Variants in GHR observed in about 807,000 individuals in gnomAD.
GHR encodes growth hormone receptor.
Under a neutral mutation model 67.1 loss-of-function variants are expected in GHR, and 35 were observed. The ratio of observed to expected loss-of-function variants is 0.52; its 90% CI spans 0.40 to 0.69. GHR has a LOEUF of 0.69. Ranked by LOEUF, GHR falls within the 30% of genes least tolerant of loss-of-function variation. GHR has a pLI of 0.00. For missense variants in GHR, 792 were observed against 764.6 expected, an observed-to-expected ratio of 1.04 and a Z score of -0.42; for synonymous variants, 272 against 269.1, an observed-to-expected ratio of 1.01 and a Z score of -0.10.
chr5:42,490,460 G>C (rs1270158290), intron 1 of GHR, among the ~76,000 whole-genome samples: 1 of 152,150 alleles, frequency 6.6e-6, no homozygotes, highest in African/African-American at 2.4e-5. Context: ...CCTCTTTGCT[G>C]TGCCCAGGGC....
At chr5:42,660,353 A>T (rs6451631) in intron 3 of GHR, among the ~76,000 whole-genome samples, 15 of 151,972 alleles carry the variant, frequency 9.9e-5, no homozygotes, top group Non-Finnish European at 2.2e-4. Context: ...TAACTGGGAG[A>T]CACCCCTCAG....
chr5:42,534,112 A>G (rs1748105482), intron 1 of GHR, among the ~76,000 whole-genome samples: 3 of 148,628 alleles, frequency 2.0e-5, no homozygotes, highest in Non-Finnish European at 4.5e-5. Context: ...GTACGTATGT[A>G]TATATGTATG....
intron 1 of GHR, among the ~76,000 whole-genome samples, chr5:42,452,284 G>A (rs1372649064): frequency 6.6e-6 from 1 of 152,092 alleles, no homozygotes; most frequent in Non-Finnish European, 1.5e-5. Context: ...TAATCTGATA[G>A]GTTTTTCTTT....
intron 1 of GHR, among the ~76,000 whole-genome samples, chr5:42,464,638 C>T (rs1579747321): frequency 6.6e-6 from 1 of 152,198 alleles, no homozygotes; most frequent in African/African-American, 2.4e-5. Flanking sequence ...CCAAGGAAGT[C>T]TCTGCCATGT....
At chr5:42,525,710 G>T (rs564317740) in intron 1 of GHR, among the ~76,000 whole-genome samples, 86 of 152,176 alleles carry the variant, frequency 5.7e-4, no homozygotes, top group Non-Finnish European at 1.0e-3. Context: ...CCCACAGGTT[G>T]TGGGAGGGAC....
intron 1 of GHR, among the ~76,000 whole-genome samples, chr5:42,512,687 A>G (rs1292539077): frequency 4.6e-5 from 7 of 151,990 alleles, no homozygotes; most frequent in Admixed American, 4.6e-4. Context: ...CAATGCTTAC[A>G]CTGTCTTCAA....
intron 1 of GHR, among the ~76,000 whole-genome samples, chr5:42,441,493 G>C (rs532018299): frequency 6.6e-6 from 1 of 151,132 alleles, no homozygotes; most frequent in East Asian, 1.9e-4. Context: ...AACTAGAGGA[G>C]GAAATGGAGT....
At chr5:42,534,101 T>C (rs1441819341) in intron 1 of GHR, among the ~76,000 whole-genome samples, 1 of 149,392 alleles carries the variant, frequency 6.7e-6, no homozygotes, top group Non-Finnish European at 1.5e-5. Context: ...TAAGTATATA[T>C]GTACGTATGT....
At chr5:42,465,716 T>A (rs1398823432) in intron 1 of GHR, 1 of 914,508 alleles carries the variant, frequency 1.1e-6, no homozygotes, top group East Asian at 2.4e-5. Flanking sequence ...AAAAGATCTA[T>A]CACTTCCACT....
chr5:42,425,868 C>A (rs544651182), intron 1 of GHR, among the ~76,000 whole-genome samples: 1 of 152,214 alleles, frequency 6.6e-6, no homozygotes, highest in Middle Eastern at 3.4e-3. Flanking sequence ...TTATGGTCTC[C>A]TGAAGCCCAT....
intron 1 of GHR, among the ~76,000 whole-genome samples, chr5:42,480,850 G>A (rs1745596495): frequency 6.6e-6 from 1 of 152,156 alleles, no homozygotes; most frequent in African/African-American, 2.4e-5. Context: ...CAATTTGCCA[G>A]CCTGTGTCTT....
chr5:42,509,753 C>T (rs1262005322), intron 1 of GHR, among the ~76,000 whole-genome samples: 7 of 147,534 alleles, frequency 4.7e-5, no homozygotes, highest in Admixed American at 4.0e-4. Flanking sequence ...TACACGTCTA[C>T]CTCTATTAGC....
chr5:42,430,178 C>T (rs960468325), intron 1 of GHR, among the ~76,000 whole-genome samples: 4 of 152,176 alleles, frequency 2.6e-5, no homozygotes, highest in African/African-American at 7.2e-5. Context: ...TCTTAGCTGC[C>T]TTGGAAGAAG....
intron 6 of GHR, among the ~76,000 whole-genome samples, chr5:42,708,561 C>T (rs187423789): frequency 3.7e-4 from 56 of 152,192 alleles, no homozygotes; most frequent in African/African-American, 1.3e-3. Context: ...TATAACCCAA[C>T]TAAACCAAAC....
At chr5:42,650,887 T>C (rs925832353) in intron 3 of GHR, among the ~76,000 whole-genome samples, 4 of 152,162 alleles carry the variant, frequency 2.6e-5, no homozygotes, top group African/African-American at 9.6e-5. Flanking sequence ...TTTATCAGCC[T>C]ACAGCTATAA....
intron 3 of GHR, among the ~76,000 whole-genome samples, chr5:42,630,325 A>C (rs1269669552): frequency 7.6e-6 from 1 of 132,264 alleles, no homozygotes; most frequent in Non-Finnish European, 1.6e-5. Context: ...ATTTTTCATC[A>C]GTGGAAGTAT....
At chr5:42,609,369 A>C (rs1482452798) in intron 2 of GHR, among the ~76,000 whole-genome samples, 1 of 152,216 alleles carries the variant, frequency 6.6e-6, no homozygotes, top group Non-Finnish European at 1.5e-5. Flanking sequence ...AGAGCAGGGA[A>C]GACGAGAGTG....
intron 1 of GHR, chr5:42,514,470 AT>A: frequency 4.8e-6 from 1 of 207,018 alleles, no homozygotes; most frequent in South Asian, 1.7e-4. Flanking sequence ...ATGGTTCTAG[AT>A]TTAAAAAAAA....
intron 1 of GHR, among the ~76,000 whole-genome samples, chr5:42,535,922 G>A (rs576810159): frequency 1.3e-5 from 2 of 151,968 alleles, no homozygotes; most frequent in South Asian, 4.2e-4. Flanking sequence ...TTTTTTGGCA[G>A]CAATTGTAAA....
Sources: allele counts gnomAD v4.1 joint callset (sites outside exome capture counted in the v4.1 genomes callset), GRCh38; gene constraint gnomAD v4.1.1; transcripts MANE v1.5; gene names NCBI Gene and HGNC (gene_info 2026-07-23, HGNC 2026-07-21).